ATG7: variants seen among roughly 807,000 people sequenced by gnomAD.
The protein encoded by ATG7 is autophagy related 7, also known as ubiquitin-like modifier-activating enzyme ATG7.
ATG7 carries 70 observed loss-of-function variants against 82.4 expected under a neutral mutation model. The ratio of observed to expected loss-of-function variants is 0.85; its 90% confidence interval spans 0.70 to 1.04. The LOEUF is 1.04. Among genes scored for constraint, ATG7 ranks in the 50% least tolerant of loss-of-function variants. The pLI, the probability that ATG7 is intolerant of heterozygous loss-of-function variation, is 0.00. For synonymous variants in ATG7, 287 were observed against 313.0 expected, an observed-to-expected ratio of 0.92 and a Z score of 0.88; for missense variants, 792 against 864.3, an observed-to-expected ratio of 0.92 and a Z score of 1.05.
chr3:11,436,668 A>G (rs1243967869), intron 20 of ATG7, among the ~76,000 whole-genome samples: 1 of 152,262 alleles, frequency 6.6e-6, no homozygotes, highest in East Asian at 1.9e-4. Context: ...GCAGATGTTC[A>G]TTAGCTGATG....
intron 3 of ATG7, among the ~76,000 whole-genome samples, chr3:11,288,370 T>C (rs1429568485): frequency 1.3e-5 from 2 of 152,222 alleles, no homozygotes; most frequent in Non-Finnish European, 2.9e-5. Context: ...GAGCTCTTAA[T>C]ATGATCCAGG....
intron 20 of ATG7, among the ~76,000 whole-genome samples, chr3:11,447,577 A>G (rs2084695021): frequency 6.6e-6 from 1 of 152,188 alleles, no homozygotes; most frequent in Non-Finnish European, 1.5e-5. Flanking sequence ...CTTAGTGTTC[A>G]TCAGCTCTGT....
At chr3:11,407,076 A>T (rs975488350) in intron 19 of ATG7, among the ~76,000 whole-genome samples, 1 of 152,254 alleles carries the variant, frequency 6.6e-6, no homozygotes, top group African/African-American at 2.4e-5. Flanking sequence ...CCTTCTGCCT[A>T]TGAGCCTATA....
At chr3:11,421,452 T>C (rs138116321) in intron 19 of ATG7, among the ~76,000 whole-genome samples, 7 of 152,330 alleles carry the variant, frequency 4.6e-5, no homozygotes, top group African/African-American at 1.7e-4. Flanking sequence ...TCTCTTTGCT[T>C]ACCTGTAAGA....
At chr3:11,380,148 G>C (rs990726385) in intron 19 of ATG7, 96 bp downstream of exon 19, 25 of 1,187,468 alleles carry the variant, frequency 2.1e-5, no homozygotes, top group Non-Finnish European at 3.1e-5. Flanking sequence ...AACCAACTAA[G>C]GGCTTTTTGT....
At chr3:11,318,649 A>G (rs754799208) in intron 9 of ATG7, among the ~76,000 whole-genome samples, 43 of 152,182 alleles carry the variant, frequency 2.8e-4, no homozygotes, top group Middle Eastern at 3.2e-3. Context: ...TGACTTCGGG[A>G]TAACGTTAAA....
intron 20 of ATG7, among the ~76,000 whole-genome samples, chr3:11,463,074 G>A (rs2086493853): frequency 6.6e-6 from 1 of 151,802 alleles, no homozygotes; most frequent in African/African-American, 2.4e-5. Flanking sequence ...TAGTAGAGAT[G>A]GGGTTTTGCC....
At chr3:11,522,744 A>G (rs1390437788) in intron 20 of ATG7, among the ~76,000 whole-genome samples, 1 of 152,190 alleles carries the variant, frequency 6.6e-6, no homozygotes, top group African/African-American at 2.4e-5. Flanking sequence ...GTAAATCGTA[A>G]CCTTCAAAAT....
chr3:11,390,121 A>G (rs1020960458), intron 19 of ATG7, among the ~76,000 whole-genome samples: 5 of 152,230 alleles, frequency 3.3e-5, no homozygotes, highest in African/African-American at 1.2e-4. Flanking sequence ...TGTGAGCTCA[A>G]CATCGCTCTT....
intron 3 of ATG7, 70 bp from the exon 4 acceptor site, chr3:11,298,616 C>G (rs1946312524): frequency 6.9e-7 from 1 of 1,444,430 alleles, no homozygotes; most frequent in East Asian, 2.3e-5. Flanking sequence ...AACTTTATTA[C>G]AAATGTTCTT....
At chr3:11,325,577 A>G (rs1575459258) in intron 9 of ATG7, among the ~76,000 whole-genome samples, 1 of 152,212 alleles carries the variant, frequency 6.6e-6, no homozygotes, top group Non-Finnish European at 1.5e-5. Flanking sequence ...AGGCTGAGGC[A>G]GGAGAATTGC....
chr3:11,320,584 G>A (rs1174485764), intron 9 of ATG7, among the ~76,000 whole-genome samples: 1 of 152,126 alleles, frequency 6.6e-6, no homozygotes, highest in Non-Finnish European at 1.5e-5. Context: ...CACCACACCT[G>A]GTCCATAATT....
Position 11,355,521 on chromosome 3 carries a change from AC to A in ATG7, c.1285-2896del, listed in dbSNP as rs2075875382. 3.9e-5 allele frequency among the ~76,000 whole-genome samples: 6 copies of A among 152,228 alleles called. No homozygotes were observed. In the South Asian group the frequency reaches 1.2e-3, roughly 32 times the overall value. On this transcript the variant is annotated intron_variant, in intron 14 of 20. Transcript: ENST00000693202. ...GAACAACTCCTACCACTCAAGACAC[AC>A]AAAGCAACTTGTTTTTAAGGGGGAA...
intron 19 of ATG7, among the ~76,000 whole-genome samples, chr3:11,392,059 A>G (rs2078855127): frequency 6.6e-6 from 1 of 152,002 alleles, no homozygotes; most frequent in African/African-American, 2.4e-5. Flanking sequence ...TTGAAAAGGG[A>G]ATGCTGATAC....
intron 3 of ATG7, among the ~76,000 whole-genome samples, chr3:11,285,620 G>T (rs540425169): frequency 5.7e-4 from 87 of 151,974 alleles, no homozygotes; most frequent in African/African-American, 1.7e-3. Flanking sequence ...AGCCTTCCTC[G>T]TGGCCTTCTC....
intron 18 of ATG7, among the ~76,000 whole-genome samples, chr3:11,376,046 T>A (rs2077393042): frequency 6.6e-6 from 1 of 152,234 alleles, no homozygotes; most frequent in Non-Finnish European, 1.5e-5. Flanking sequence ...TAAAGAGGAA[T>A]GAAATGCTGA....
At chr3:11,354,817 T>G (rs895603358) in intron 14 of ATG7, among the ~76,000 whole-genome samples, 1 of 152,172 alleles carries the variant, frequency 6.6e-6, no homozygotes, top group African/African-American at 2.4e-5. Context: ...AAATTACTCT[T>G]TTCAGACAGT....
In ATG7 at chr3:11,426,840, C is replaced by T. The variant is rs1412569414; in HGVS notation, c.1993C>T (p.Leu665=). 1 of 1,610,740 alleles carries T rather than the reference C, an allele frequency of 6.2e-7. No homozygotes were observed. Among genetic ancestry groups the T allele is most frequent in the Non-Finnish European group, 8.5e-7 (1 of 1,178,670 alleles). ...ATATGAACGAGAAGGATTTAACTTC[C>T]TAGCCAAGGTGTTTAATTCTTCACA... ...DQYEREGFNF[L]AKVFNSSHSF... is the part of the protein sequence containing the mutation. The change falls in exon 20 of 21, where the codon CTA becomes TTA. Residue 665 remains leucine, a synonymous_variant. Coordinates refer to ENST00000693202, the MANE Select transcript of ATG7 (RefSeq NM_001349232.2).
At position 11,311,113 on chromosome 3, in the gene ATG7, G is replaced by A. The variant is rs991230464; in HGVS notation, c.411+2052G>A. Among the ~76,000 whole-genome samples, 3 of 152,300 alleles carry A rather than the reference G, an allele frequency of 2.0e-5. 1 individual carries two copies. Among genetic ancestry groups the A allele is most frequent in the Admixed American group, 1.3e-4 (2 of 15,304 alleles). On this transcript the variant is annotated intron_variant, in intron 7 of 20. Transcript: ENST00000693202. Reference sequence around the variant, plus strand: ...TTTAAGGTTTGCCTAGAGTCAGTATGTGTGTTGGTCTTGCTGCCTTGTTTA... The same window carrying A: ...TTTAAGGTTTGCCTAGAGTCAGTATATGTGTTGGTCTTGCTGCCTTGTTTA...
Sources: gnomAD v4.1 joint callset for allele counts (sites outside exome capture counted in the v4.1 genomes callset) on GRCh38, gnomAD v4.1.1 for gene constraint, MANE v1.5 for transcripts, NCBI Gene and HGNC (gene_info 2026-07-23, HGNC 2026-07-21) for gene names.